The following HEATR5B variants were observed in gnomAD, a reference collection of about 807,000 sequenced individuals.
The protein encoded by HEATR5B is HEAT repeat containing 5B, also known as HEAT repeat-containing protein 5B.
In HEATR5B, 156 loss-of-function variants were observed where a neutral mutation model predicts 224.1. That is an observed-to-expected ratio of 0.70 (90% CI 0.61 to 0.80). HEATR5B has a LOEUF of 0.80. Among genes scored for constraint, HEATR5B ranks in the 30% least tolerant of loss-of-function variants. The probability of loss-of-function intolerance (pLI) is 0.00; values close to 1 mark genes in which losing one functional copy is unlikely to be tolerated. For synonymous variants in HEATR5B, 1,027 were observed against 893.0 expected (o/e 1.15, Z -2.68); for missense variants, 2,323 against 2,535.5 (o/e 0.92, Z 1.80).
intron 26 of HEATR5B, among the ~76,000 whole-genome samples, chr2:37,017,829 T>C (rs1430895564): frequency 6.6e-5 from 10 of 152,032 alleles, no homozygotes; most frequent in African/African-American, 1.7e-4. Context: ...CATCAAAAGA[T>C]TGGTGAATGA....
chr2:36,984,215 A>ATATAT lies in HEATR5B; in HGVS notation c.5912-2422_5912-2421insATATA, dbSNP rs1553411492. ...AACTCTGTCTCAAAAAAAAAAAAAA[A>ATATAT]ATATATATATATATATATATATAAA... On this transcript the variant is annotated intron_variant, in intron 35 of 35. Transcript: ENST00000233099. Among the ~76,000 whole-genome samples the ATATAT allele has an allele frequency of 3.1e-4, 24 of 77,632 alleles. 1 individual carries two copies. The highest frequency in any genetic ancestry group is 1.3e-3 in the African/African-American group (22 of 17,044). 50.9% of individuals were successfully genotyped at this position (77,632 alleles called of 152,430 possible). A position where few individuals can be genotyped will look rare whatever the true frequency, so the allele number is the denominator to read the frequency against.
At chr2:37,057,539 A>G (rs1428041058) in intron 14 of HEATR5B, 59 bp from the exon 15 acceptor site, 35 of 1,197,072 alleles carry the variant, frequency 2.9e-5, no homozygotes, top group Non-Finnish European at 4.0e-5. Context: ...AATTATAATC[A>G]TTGCCCACAA....
intron 5 of HEATR5B, among the ~76,000 whole-genome samples, chr2:37,075,282 A>T (rs1160004139): frequency 6.6e-6 from 1 of 152,236 alleles, no homozygotes; most frequent in East Asian, 1.9e-4. Context: ...ATTTCAAAAC[A>T]ATTATACTAA....
chr2:37,058,633 A>T, intron 13 of HEATR5B, 73 bp from the exon 14 acceptor site: 4 of 999,868 alleles, frequency 4.0e-6, no homozygotes, highest in Non-Finnish European at 1.6e-6. Flanking sequence ...TTAGCAATGT[A>T]TCAATGTACT....
At chr2:36,982,270 C>T (rs547014123) in intron 35 of HEATR5B, among the ~76,000 whole-genome samples, 4 of 152,120 alleles carry the variant, frequency 2.6e-5, no homozygotes, top group Non-Finnish European at 5.9e-5. Context: ...CCCCAAAACT[C>T]ACAGTGAGGG....
intron 17 of HEATR5B, 93 bp from the exon 18 acceptor site, chr2:37,049,936 G>C: frequency 1.6e-6 from 2 of 1,236,570 alleles, no homozygotes; most frequent in Non-Finnish European, 2.2e-6. Flanking sequence ...CCTTGCCCAG[G>C]CTGGAGTGCA....
In HEATR5B at chr2:37,063,092, G is replaced by A. The variant is rs150100315; in HGVS notation, c.1585-1042C>T. Reference sequence around the variant, plus strand: ...TGGGATTACAGGTCTGAGCCACCACGCCCAGGCAAGGTTAGCTCAATGGTA... The same window carrying A: ...TGGGATTACAGGTCTGAGCCACCACACCCAGGCAAGGTTAGCTCAATGGTA... On this transcript the variant is annotated intron_variant, in intron 10 of 35. Transcript: ENST00000233099. 7.2e-5 allele frequency among the ~76,000 whole-genome samples: 11 copies of A among 152,302 alleles called. No homozygotes were observed. In the East Asian group the frequency reaches 2.1e-3, roughly 29 times the overall value.
intron 30 of HEATR5B, 66 bp downstream of exon 30, chr2:37,005,566 T>G (rs1667357489): frequency 1.4e-6 from 2 of 1,469,750 alleles, no homozygotes; most frequent in Non-Finnish European, 1.9e-6. Flanking sequence ...ATCCATCCTT[T>G]TTTCCATTGT....
intron 34 of HEATR5B, among the ~76,000 whole-genome samples, chr2:36,989,207 T>C (rs1056084225): frequency 1.3e-5 from 2 of 152,184 alleles, no homozygotes; most frequent in African/African-American, 4.8e-5. Flanking sequence ...TGCCTCAGCC[T>C]CCCAAGTAGC....
intron 22 of HEATR5B, among the ~76,000 whole-genome samples, chr2:37,029,730 G>A (rs2148465380): frequency 6.6e-6 from 1 of 152,082 alleles, no homozygotes; most frequent in Admixed American, 6.6e-5. Flanking sequence ...CACAAGGTCA[G>A]GAGTTCAAGA....
At position 36,988,715 on chromosome 2, in the gene HEATR5B, C is replaced by T. The variant is rs1224801798; in HGVS notation, c.5842G>A (p.Glu1948Lys). The change falls in exon 35 of 36, where the codon GAG becomes AAG. Residue 1948 changes from glutamate (E) to lysine (K), a missense_variant. Physicochemically the swap from Glu to Lys is moderately conservative, Grantham distance 56. Transcript: ENST00000233099. ...VERNRPASNI[E>K]LLAVQEGIKV... ...ATTCCTTCTTGAACCGCTAAAAGCT[C>T]TATGTTACTGGCTGGTCTGTTTCTT... is the stretch of plus-strand genomic sequence containing the variant. The T allele has an allele frequency of 6.2e-7, 1 of 1,614,122 alleles. No homozygotes were observed. The highest frequency in any genetic ancestry group is 2.2e-5 in the East Asian group (1 of 44,866).
Position 37,028,035 on chromosome 2 carries a change from AGTGG to A in HEATR5B, c.3737_3740del (p.Ala1246ValfsTer91). On this transcript the variant is annotated frameshift_variant, in exon 24 of 36. Transcript: ENST00000233099. LOFTEE classifies it high-confidence loss of function. ...ACAGGCAATCGGCAGCAAATACTCG[AGTGG>A]CCCAGCGAGGGGCCACAAAGGGCTT... 6.2e-7 allele frequency: 1 copy of A among 1,614,132 alleles called. No individual in the cohort carries two copies. The highest frequency in any genetic ancestry group is 8.5e-7 in the Non-Finnish European group (1 of 1,179,982).
chr2:37,036,305 A>G (rs896482089), intron 21 of HEATR5B, among the ~76,000 whole-genome samples: 8 of 152,204 alleles, frequency 5.3e-5, no homozygotes, highest in Non-Finnish European at 1.2e-4. Context: ...GTCCAGTCTC[A>G]TCATTTCCTC....
intron 2 of HEATR5B, among the ~76,000 whole-genome samples, chr2:37,079,859 C>T (rs1284852034): frequency 1.3e-5 from 2 of 152,164 alleles, no homozygotes; most frequent in Non-Finnish European, 2.9e-5. Context: ...ACGTATGCCA[C>T]ATACTAGGGT....
chr2:37,054,956 G>C (rs552336254), intron 16 of HEATR5B: 70 of 177,538 alleles, frequency 3.9e-4, no homozygotes, highest in Admixed American at 1.9e-3. Flanking sequence ...ATTTATACTA[G>C]TCTACAGGTC....
chr2:37,020,670 C>A lies in HEATR5B; in HGVS notation c.4020G>T (p.Glu1340Asp), dbSNP rs370421756. 1.3e-6 allele frequency: 2 copies of A among 1,575,646 alleles called. No homozygotes were observed. The highest frequency in any genetic ancestry group is 2.8e-5 in the African/African-American group (2 of 72,588). Reference sequence around the variant, plus strand: ...AAAATCTCACATTAGCCTGATACTGCTCCAGTATCACATGACCTGGAAATT... The same window carrying A: ...AAAATCTCACATTAGCCTGATACTGATCCAGTATCACATGACCTGGAAATT... Reference protein sequence around the residue: ...EPEFPGHVILEQYQANVGAAL... With the variant: ...EPEFPGHVILDQYQANVGAAL... The change falls in exon 25 of 36, where the codon GAG becomes GAT. Residue 1340 changes from glutamate (E) to aspartate (D), a missense_variant. This residue lies in a region of HEATR5B where 339 missense variants were observed against 378.4 expected (regional missense o/e 0.90). Coordinates refer to ENST00000233099, the MANE Select transcript of HEATR5B (RefSeq NM_019024.3).
rs150343834 is a variant in HEATR5B, at chr2:37,079,179, A to G, written c.279T>C (p.Asp93=). Residue 93 remains aspartate, a synonymous_variant, in exon 3 of 36, where the codon GAT becomes GAC. Transcript: ENST00000233099. ...GDTFTVFQTL[D]KCNDIIRNKD... ...TATTTCTGATAATGTCATTGCATTT[A>G]TCAAGTGTCTGAAAAACTGTGAAAG... 7.4e-6 allele frequency: 12 copies of G among 1,611,380 alleles called. No homozygotes were observed. The African/African-American group carries it at 1.6e-4, about 21-fold the overall frequency.
chr2:37,066,337 T>C (rs1471228641), intron 8 of HEATR5B, among the ~76,000 whole-genome samples: 1 of 152,222 alleles, frequency 6.6e-6, no homozygotes, highest in Non-Finnish European at 1.5e-5. Flanking sequence ...AACGGTACTG[T>C]GGTGATTAAA....
intron 21 of HEATR5B, among the ~76,000 whole-genome samples, chr2:37,036,605 G>A (rs995993934): frequency 2.0e-5 from 3 of 151,654 alleles, no homozygotes; most frequent in South Asian, 2.1e-4. Flanking sequence ...TCCACCTCCC[G>A]GGTTCAAGCA....
Sources: allele counts gnomAD v4.1 joint callset (sites outside exome capture counted in the v4.1 genomes callset), GRCh38; gene constraint gnomAD v4.1.1; regional missense constraint gnomAD v4.1.1; transcripts MANE v1.5; gene names NCBI Gene and HGNC (gene_info 2026-07-23, HGNC 2026-07-21).